Variants in TC2N observed in about 807,000 individuals in gnomAD.
The protein encoded by TC2N is tandem C2 domains nuclear protein.
TC2N carries 51 observed loss-of-function variants against 61.9 expected under a neutral mutation model. The observed-to-expected ratio is 0.82, with a 90% CI of 0.66 to 1.04. The LOEUF (loss-of-function observed/expected upper bound fraction) is 1.04, where lower values mean the gene tolerates loss of function less well. Ranked by LOEUF, TC2N falls within the 50% of genes least tolerant of loss-of-function variation. The pLI, the probability that TC2N is intolerant of heterozygous loss-of-function variation, is 0.00. For synonymous variants in TC2N, 204 were observed against 192.6 expected (o/e 1.06, Z -0.49); for missense variants, 556 against 566.7 (o/e 0.98, Z 0.19).
chr14:91,865,323 G>A (rs538332379), intron 1 of TC2N, among the ~76,000 whole-genome samples: 1 of 149,696 alleles, frequency 6.7e-6, no homozygotes, highest in East Asian at 2.0e-4. Context: ...AGCTACCAAA[G>A]TGATAAATTT....
At chr14:91,848,528 G>A (rs1278051013) in intron 1 of TC2N, among the ~76,000 whole-genome samples, 2 of 152,186 alleles carry the variant, frequency 1.3e-5, no homozygotes, top group Non-Finnish European at 2.9e-5. Context: ...AGCCTAGTGG[G>A]AGGAAAATGC....
chr14:91,861,962 A>ATG (rs1355968752), intron 1 of TC2N, among the ~76,000 whole-genome samples: 8 of 151,290 alleles, frequency 5.3e-5, no homozygotes, highest in Non-Finnish European at 7.4e-5. Context: ...ATGTGTGTAT[A>ATG]TGTGTGTGTG....
chr14:91,798,421 A>C (rs1173415988), intron 6 of TC2N, 22 bp from the exon 7 acceptor site: 2 of 1,288,448 alleles, frequency 1.6e-6, no homozygotes, highest in Non-Finnish European at 2.2e-6. Context: ...AAGGACAAAG[A>C]TGTTTCAAAT....
At chr14:91,808,648 T>A (rs775090016) in intron 3 of TC2N, among the ~76,000 whole-genome samples, 3 of 152,234 alleles carry the variant, frequency 2.0e-5, no homozygotes, top group Non-Finnish European at 4.4e-5. Context: ...ACTTCTTCAG[T>A]GAACCTATAA....
chr14:91,790,902 CA>C (rs1382890782), intron 9 of TC2N, among the ~76,000 whole-genome samples: 2 of 151,856 alleles, frequency 1.3e-5, no homozygotes, highest in Non-Finnish European at 2.9e-5. Context: ...GAGGCCGAGG[CA>C]GGAGGACTGT....
chr14:91,802,536 C>T, intron 3 of TC2N, 115 bp from the exon 4 acceptor site: 1 of 862,560 alleles, frequency 1.2e-6, no homozygotes, highest in Non-Finnish European at 1.8e-6. Context: ...TACTAAATCA[C>T]ATGTCTTTGA....
At position 91,837,307 on chromosome 14, in the gene TC2N, C is replaced by CG. The variant is rs1237181846; in HGVS notation, c.-56-23483dup. ...CGTGGCTCAGTGCAGCCTCGACCTT[C>CG]GGGGCTGAAGTGATCCTCCCACCTC... is the stretch of plus-strand genomic sequence containing the variant. On this transcript the variant is annotated intron_variant, in intron 1 of 11. Transcript: ENST00000435962. The surrounding 1 kb of genome is among the most constrained non-coding windows in gnomAD (Gnocchi z 4.2). Among the ~76,000 whole-genome samples the CG allele has an allele frequency of 6.6e-6, 1 of 152,220 alleles. No homozygotes were observed. Among genetic ancestry groups the CG allele is most frequent in the Admixed American group, 6.5e-5 (1 of 15,288 alleles).
chr14:91,798,227 C>T, intron 7 of TC2N, 72 bp downstream of exon 7: 2 of 775,332 alleles, frequency 2.6e-6, no homozygotes, highest in Non-Finnish European at 4.1e-6. Context: ...CAGAAAAGGG[C>T]AATAGTCAGT....
At position 91,842,456 on chromosome 14, in the gene TC2N, G is replaced by C. The variant is rs182961754; in HGVS notation, c.-57+24806C>G. The stretch of plus-strand genomic sequence containing the variant: ...TAGAACAACTGACTTTCAGCTTTTC[G>C]AGCTTAGAAACTTGTTCCTTTTCTC... On this transcript the variant is annotated intron_variant, in intron 1 of 11. Transcript: ENST00000435962. Among the ~76,000 whole-genome samples the C allele has an allele frequency of 2.0e-5, 3 of 152,300 alleles. No homozygotes were observed. In the East Asian group the frequency reaches 5.8e-4, roughly 29 times the overall value.
intron 1 of TC2N, among the ~76,000 whole-genome samples, chr14:91,820,943 T>C (rs1887220359): frequency 6.6e-6 from 1 of 152,048 alleles, no homozygotes; most frequent in East Asian, 1.9e-4. Context: ...TACTGAAAGA[T>C]ATTAAAGAAG....
At chr14:91,853,584 C>G (rs980042606) in intron 1 of TC2N, among the ~76,000 whole-genome samples, 3 of 150,412 alleles carry the variant, frequency 2.0e-5, no homozygotes, top group Admixed American at 6.6e-5. Context: ...GAAATTGAGT[C>G]AAAAGTAAGA....
At chr14:91,786,397 T>C (rs1341423667) in intron 10 of TC2N, among the ~76,000 whole-genome samples, 1 of 152,216 alleles carries the variant, frequency 6.6e-6, no homozygotes, top group African/African-American at 2.4e-5. Flanking sequence ...CTCACAAAAT[T>C]ACTTTTTCCA....
At chr14:91,789,986 TTA>T (rs1264213235) in intron 9 of TC2N, among the ~76,000 whole-genome samples, 1 of 152,010 alleles carries the variant, frequency 6.6e-6, no homozygotes, top group East Asian at 1.9e-4. Context: ...CATGGTAGAG[TTA>T]AAAGAGCTGG....
chr14:91,851,970 A>G (rs749881701), intron 1 of TC2N, among the ~76,000 whole-genome samples: 6 of 152,374 alleles, frequency 3.9e-5, no homozygotes, highest in Admixed American at 6.5e-5. Flanking sequence ...AAAATGATTC[A>G]TTTTCTAACT....
Position 91,844,760 on chromosome 14 carries a change from CAAAAAAAAAA to C in TC2N, c.-57+22492_-57+22501del, listed in dbSNP as rs34223127. On this transcript the variant is annotated intron_variant, in intron 1 of 11. Transcript: ENST00000435962. ...TGGGCGACAGAGCGAGACTCTGTCT[CAAAAAAAAAA>C]AAAAAAAAAAAAAAAAAGCCACCTT... Among the ~76,000 whole-genome samples, 632 of 92,482 alleles carry C rather than the reference CAAAAAAAAAA, an allele frequency of 6.8e-3. 10 individuals are homozygous for C. The highest frequency in any genetic ancestry group is 0.023 in the African/African-American group (457 of 19,994). The allele number at this position is 92,482 out of a possible 152,430, so 60.7% of individuals were successfully genotyped here.
chr14:91,844,565 C>A (rs2139912357), intron 1 of TC2N, among the ~76,000 whole-genome samples: 1 of 152,036 alleles, frequency 6.6e-6, no homozygotes, highest in South Asian at 2.1e-4. Context: ...AGATCAAGAC[C>A]ATCCTGGCCA....
At chr14:91,810,345 G>A (rs1002717057) in intron 3 of TC2N, among the ~76,000 whole-genome samples, 1 of 151,888 alleles carries the variant, frequency 6.6e-6, no homozygotes, top group African/African-American at 2.4e-5. Context: ...AACCATATCA[G>A]GAGGGAAAGG....
At position 91,866,852 on chromosome 14, in the gene TC2N, A is replaced by G. The variant is rs532019245; in HGVS notation, c.-57+410T>C. Among the ~76,000 whole-genome samples the G allele has an allele frequency of 2.6e-5, 4 of 152,350 alleles. No individual in the cohort carries two copies. In the South Asian group the frequency reaches 8.3e-4, roughly 32 times the overall value. On this transcript the variant is annotated intron_variant, in intron 1 of 11. Coordinates refer to ENST00000435962, the MANE Select transcript of TC2N (RefSeq NM_001128596.3). ...TTGATGATTCCCAAGGGGTAGGTAAAGCAAGTAGCATTTGGGGTTCCAGCA... is the reference window on the plus strand; with the variant it reads ...TTGATGATTCCCAAGGGGTAGGTAAGGCAAGTAGCATTTGGGGTTCCAGCA...
intron 1 of TC2N, among the ~76,000 whole-genome samples, chr14:91,814,232 G>T (rs997654950): frequency 6.6e-6 from 1 of 150,658 alleles, no homozygotes; most frequent in Non-Finnish European, 1.5e-5. Flanking sequence ...AAGAAAAAAA[G>T]AGAGAAAGAA....
Sources: gnomAD v4.1 joint callset for allele counts (sites outside exome capture counted in the v4.1 genomes callset) on GRCh38, gnomAD v4.1.1 for gene constraint, Gnocchi (gnomAD v3.1) non-coding constraint, MANE v1.5 for transcripts, NCBI Gene and HGNC (gene_info 2026-07-23, HGNC 2026-07-21) for gene names.